MDFIC2: variants seen among roughly 807,000 people sequenced by gnomAD.
MDFIC2 encodes myoD family inhibitor domain-containing protein 2.
At chr3:70,281,938 A>G (rs1702088553) in intron 2 of MDFIC2, among the ~76,000 whole-genome samples, 1 of 152,210 alleles carries the variant, frequency 6.6e-6, no homozygotes, top group Admixed American at 6.5e-5. Context: ...TTGATTGTAC[A>G]GTAACACCCT....
At chr3:70,229,132 A>G (rs959902336) in intron 2 of MDFIC2, among the ~76,000 whole-genome samples, 3 of 152,162 alleles carry the variant, frequency 2.0e-5, no homozygotes, top group Non-Finnish European at 2.9e-5. Flanking sequence ...CTTTTATCAA[A>G]AGCATAACAC....
In MDFIC2 at chr3:70,221,853, G is replaced by A. The variant is rs923452487; in HGVS notation, c.89-15063C>T. On this transcript the variant is annotated intron_variant, in intron 2 of 3. Transcript: ENST00000567252. The stretch of plus-strand genomic sequence containing the variant: ...TTTTGGCTGGGGCAAAAGTAATTGA[G>A]GTTTTGTCGTTACTTTCAATTGGAA... Among the ~76,000 whole-genome samples, 8 of 152,114 alleles carry A rather than the reference G, an allele frequency of 5.3e-5. 1 individual carries two copies. The highest frequency in any genetic ancestry group is 1.9e-4 in the African/African-American group (8 of 41,428).
At chr3:70,299,415 A>T (rs4302352) in intron 2 of MDFIC2, among the ~76,000 whole-genome samples, 31,564 of 152,036 alleles carry the variant, frequency 0.21, 3,481 homozygotes, top group South Asian at 0.28. Context: ...CCATTTTCAT[A>T]TTCTAATTTT....
chr3:70,259,416 TAA>T (rs202194435), intron 2 of MDFIC2, among the ~76,000 whole-genome samples: 1 of 144,208 alleles, frequency 6.9e-6, no homozygotes. Context: ...TATTGACTTT[TAA>T]AAAAAAAAAA....
chr3:70,264,644 A>G (rs1701898903), intron 2 of MDFIC2, among the ~76,000 whole-genome samples: 1 of 152,258 alleles, frequency 6.6e-6, no homozygotes, highest in African/African-American at 2.4e-5. Context: ...CACTGAAAGT[A>G]TGCCATTTAC....
chr3:70,272,618 C>T (rs78509606), intron 2 of MDFIC2, among the ~76,000 whole-genome samples: 11,157 of 152,140 alleles, frequency 0.073, 519 homozygotes, highest in East Asian at 0.13. Flanking sequence ...GGGTAAATAC[C>T]TAGGAGTAGA....
Position 70,266,878 on chromosome 3 carries a change from G to A in MDFIC2, c.88+45008C>T, listed in dbSNP as rs943473030. Among the ~76,000 whole-genome samples, 7 of 152,294 alleles carry A rather than the reference G, an allele frequency of 4.6e-5. No individual in the cohort carries two copies. The South Asian group carries it at 8.3e-4, about 18-fold the overall frequency. On this transcript the variant is annotated intron_variant, in intron 2 of 3. Transcript: ENST00000567252. The stretch of plus-strand genomic sequence containing the variant: ...TTAAGGGAGAAGTTTGGAATCATTC[G>A]TCTGACACATCCACTGCCTGCCACA...
chr3:70,222,555 C>T (rs974079011), intron 2 of MDFIC2, among the ~76,000 whole-genome samples: 3 of 152,006 alleles, frequency 2.0e-5, no homozygotes, highest in Non-Finnish European at 1.5e-5. Flanking sequence ...AAATTGAATT[C>T]CAAATAAATT....
chr3:70,238,305 A>G (rs1035601774), intron 2 of MDFIC2, among the ~76,000 whole-genome samples: 1 of 151,994 alleles, frequency 6.6e-6, no homozygotes, highest in Non-Finnish European at 1.5e-5. Context: ...TTTTTCTGCC[A>G]TGTGTAAAAA....
At chr3:70,227,634 T>C (rs1701520596) in intron 2 of MDFIC2, among the ~76,000 whole-genome samples, 1 of 152,202 alleles carries the variant, frequency 6.6e-6, no homozygotes, top group African/African-American at 2.4e-5. Context: ...GAAACCGCAA[T>C]TACTTTTGCA....
intron 2 of MDFIC2, among the ~76,000 whole-genome samples, chr3:70,210,807 A>G (rs1247735002): frequency 2.0e-5 from 3 of 152,128 alleles, no homozygotes; most frequent in Admixed American, 2.0e-4. Flanking sequence ...GTGAATGTTA[A>G]ACAGTTTGGG....
intron 2 of MDFIC2, among the ~76,000 whole-genome samples, chr3:70,246,991 A>C (rs1047742283): frequency 6.6e-6 from 1 of 152,064 alleles, no homozygotes; most frequent in African/African-American, 2.4e-5. Context: ...AGGGCATATC[A>C]TAATAATCAG....
chr3:70,299,428 TA>T (rs1702324598), intron 2 of MDFIC2, among the ~76,000 whole-genome samples: 1 of 152,106 alleles, frequency 6.6e-6, no homozygotes, highest in Admixed American at 6.6e-5. Context: ...CTAATTTTTC[TA>T]AAAAATAGAT....
chr3:70,214,353 G>A (rs535909265), intron 2 of MDFIC2, among the ~76,000 whole-genome samples: 6 of 152,140 alleles, frequency 3.9e-5, no homozygotes, highest in East Asian at 1.9e-4. Context: ...CTCAAGAAAC[G>A]TTAGATGAAA....
chr3:70,296,497 A>G (rs11916870), intron 2 of MDFIC2, among the ~76,000 whole-genome samples: 1 of 152,176 alleles, frequency 6.6e-6, no homozygotes, highest in African/African-American at 2.4e-5. Flanking sequence ...ATAATTTTCC[A>G]AATAAGATAA....
At chr3:70,260,297 C>T (rs908818364) in intron 2 of MDFIC2, among the ~76,000 whole-genome samples, 7 of 152,112 alleles carry the variant, frequency 4.6e-5, no homozygotes, top group African/African-American at 1.7e-4. Flanking sequence ...TCTGTGTCTT[C>T]CCATCGCCAC....
chr3:70,274,112 T>A (rs1702000040), intron 2 of MDFIC2, among the ~76,000 whole-genome samples: 1 of 151,514 alleles, frequency 6.6e-6, no homozygotes, highest in African/African-American at 2.4e-5. Context: ...TGTGTGTGTG[T>A]GAGACTGGGC....
intron 2 of MDFIC2, among the ~76,000 whole-genome samples, chr3:70,246,452 C>A (rs1285053082): frequency 6.6e-6 from 1 of 152,032 alleles, no homozygotes; most frequent in African/African-American, 2.4e-5. Flanking sequence ...ATAGAGTGAA[C>A]TCAAAGTGGG....
chr3:70,228,969 A>G (rs1701534324), intron 2 of MDFIC2, among the ~76,000 whole-genome samples: 1 of 152,172 alleles, frequency 6.6e-6, no homozygotes. Context: ...CAGTGAAGAA[A>G]CACGGAGAAT....
Sources: gnomAD v4.1 joint callset for allele counts (sites outside exome capture counted in the v4.1 genomes callset) on GRCh38, gnomAD v4.1.1 for gene constraint, MANE v1.5 for transcripts, NCBI Gene and HGNC (gene_info 2026-07-23, HGNC 2026-07-21) for gene names.